The following DNAAF11 variants were observed in gnomAD, a reference collection of about 807,000 sequenced individuals.
The protein encoded by DNAAF11 is leucine rich repeat containing 6.
DNAAF11 carries 45 observed loss-of-function variants against 60.8 expected under a neutral mutation model. The observed-to-expected ratio is 0.74, with a 90% CI of 0.58 to 0.95. DNAAF11 has a LOEUF of 0.95. DNAAF11 is among the 40% of genes least tolerant of loss of function. DNAAF11 has a pLI of 0.00. For missense variants in DNAAF11, 546 were observed against 546.2 expected (o/e 1.00, Z 0.00); for synonymous variants, 191 against 183.5 (o/e 1.04, Z -0.33).
the DNAAF11 span, among the ~76,000 whole-genome samples, chr8:132,680,880 G>C: frequency 2.4e-3 from 366 of 151,446 alleles, 1 homozygote; most frequent in African/African-American, 8.5e-3. Context: ...ACCCTTAGAA[G>C]AGTATTTGAC....
In DNAAF11 at chr8:132,648,488, T is replaced by C. The variant is rs559948179; in HGVS notation, c.256+8342A>G. Among the ~76,000 whole-genome samples the C allele has an allele frequency of 3.7e-3, 560 of 152,244 alleles. 3 individuals are homozygous for C. Among genetic ancestry groups the C allele is most frequent in the African/African-American group, 0.013 (523 of 41,532 alleles). Reference sequence around the variant, plus strand: ...CCTCTCTCACCACTCCTATTCAATATAGTGTTAGAAGTTCTGGCCAGGGCA... The same window carrying C: ...CCTCTCTCACCACTCCTATTCAATACAGTGTTAGAAGTTCTGGCCAGGGCA... On this transcript the variant is annotated intron_variant, in intron 3 of 11. Coordinates refer to ENST00000620350, the MANE Select transcript of DNAAF11 (RefSeq NM_012472.6).
chr8:132,646,631 G>C (rs1822418824), intron 3 of DNAAF11, among the ~76,000 whole-genome samples: 1 of 152,144 alleles, frequency 6.6e-6, no homozygotes, highest in Non-Finnish European at 1.5e-5. Context: ...AAAATAAAGG[G>C]ATGGAGGAAG....
At chr8:132,592,391 A>G (rs1053653309) in intron 10 of DNAAF11, among the ~76,000 whole-genome samples, 1 of 152,232 alleles carries the variant, frequency 6.6e-6, no homozygotes, top group Non-Finnish European at 1.5e-5. Context: ...CCTCTTACAG[A>G]GAAGGAAAAC....
chr8:132,653,103 A>G (rs114776752), intron 3 of DNAAF11, among the ~76,000 whole-genome samples: 330 of 152,348 alleles, frequency 2.2e-3, no homozygotes, highest in African/African-American at 7.6e-3. Flanking sequence ...GCAGGTCAAA[A>G]GGCACAAAAG....
chr8:132,577,027 C>T (rs1359175368), intron 11 of DNAAF11, among the ~76,000 whole-genome samples: 4 of 151,992 alleles, frequency 2.6e-5, no homozygotes, highest in Admixed American at 6.6e-5. Flanking sequence ...AGCAAAATGC[C>T]CAAATCATAA....
At chr8:132,589,794 AG>A (rs1554672376) in intron 10 of DNAAF11, among the ~76,000 whole-genome samples, 2 of 152,216 alleles carry the variant, frequency 1.3e-5, no homozygotes, top group Non-Finnish European at 2.9e-5. Flanking sequence ...CATAGGAGGT[AG>A]GTCTTGGACT....
rs1484626338 is a variant in DNAAF11 at position 132,611,307 on chromosome 8, A to G, written c.1031T>C (p.Met344Thr). 6.2e-7 allele frequency: 1 copy of G among 1,611,744 alleles called. No homozygotes were observed. The highest frequency in any genetic ancestry group is 2.2e-5 in the East Asian group (1 of 44,876). The change falls in exon 9 of 12, where the codon ATG becomes ACG. Residue 344 changes from methionine to threonine, a missense_variant. Physicochemically the swap from Met to Thr is moderately conservative, Grantham distance 81. Transcript: ENST00000620350. ...GGTTCTACTTACCTTTCCTTTGATC[A>G]TTACTCGCACGTAAGTTGGTTGCAC... ...VDVQPTYVRV[M>T]IKGKPFQLVL... is the part of the protein sequence containing the mutation.
Position 132,632,886 on chromosome 8 carries a change from G to T in DNAAF11, c.507C>A (p.Ile169=). The change falls in exon 5 of 12, where the codon ATC becomes ATA. Residue 169 remains isoleucine, a synonymous_variant. Coordinates refer to ENST00000620350, the MANE Select transcript of DNAAF11 (RefSeq NM_012472.6). ...LQDYSVIEPQ[I]REQEKDHCLK... ...GACAGTGATCTTTTTCCTGCTCTCTGATTTGTGGTTCAATTACTGAATAGT... is the reference window on the plus strand; with the variant it reads ...GACAGTGATCTTTTTCCTGCTCTCTTATTTGTGGTTCAATTACTGAATAGT... 2 of 1,613,792 alleles carry T rather than the reference G, an allele frequency of 1.2e-6. No individual in the cohort carries two copies. The highest frequency in any genetic ancestry group is 1.7e-6 in the Non-Finnish European group (2 of 1,179,844).
intron 10 of DNAAF11, among the ~76,000 whole-genome samples, chr8:132,605,647 T>C (rs934399303): frequency 1.3e-5 from 2 of 152,146 alleles, no homozygotes; most frequent in Admixed American, 6.6e-5. Context: ...ATATTTAGAC[T>C]GTACAGCAGG....
intron 11 of DNAAF11, among the ~76,000 whole-genome samples, chr8:132,581,626 T>C (rs1815339105): frequency 6.8e-6 from 1 of 146,830 alleles, no homozygotes; most frequent in South Asian, 2.2e-4. Flanking sequence ...CTCCAGCCTC[T>C]TGCCACTGCA....
In DNAAF11 at chr8:132,632,972, A is replaced by C. The variant is rs748037780; in HGVS notation, c.430-9T>G. The C allele has an allele frequency of 6.3e-7, 1 of 1,587,852 alleles. No individual in the cohort carries two copies. The highest frequency in any genetic ancestry group is 8.6e-7 in the Non-Finnish European group (1 of 1,157,694). ...TCTTTACCATCCAACCACTTAAAGAAAAACAATAAATATAGTACAATTGTT... is the reference window on the plus strand; with the variant it reads ...TCTTTACCATCCAACCACTTAAAGACAAACAATAAATATAGTACAATTGTT... On this transcript the variant is annotated splice_polypyrimidine_tract_variant and intron_variant, in intron 4 of 11. Coordinates refer to ENST00000620350, the MANE Select transcript of DNAAF11 (RefSeq NM_012472.6).
At chr8:132,615,944 T>C (rs866966706) in intron 7 of DNAAF11, among the ~76,000 whole-genome samples, 1 of 152,076 alleles carries the variant, frequency 6.6e-6, no homozygotes, top group East Asian at 1.9e-4. Context: ...CATTTCTGCT[T>C]GTGGCAGGCA....
At chr8:132,694,129 C>A in the DNAAF11 span, among the ~76,000 whole-genome samples, 1 of 152,100 alleles carries the variant, frequency 6.6e-6, no homozygotes, top group East Asian at 1.9e-4. Flanking sequence ...AGTTGGTAAG[C>A]AGGGGTAAGC....
At chr8:132,581,528 T>C (rs1433672730) in intron 11 of DNAAF11, among the ~76,000 whole-genome samples, 2 of 151,876 alleles carry the variant, frequency 1.3e-5, no homozygotes, top group Non-Finnish European at 2.9e-5. Flanking sequence ...CAGGCACCAG[T>C]AGTCCCAGCT....
intron 7 of DNAAF11, among the ~76,000 whole-genome samples, chr8:132,616,678 C>T (rs2130117669): frequency 6.6e-6 from 1 of 152,260 alleles, no homozygotes; most frequent in Non-Finnish European, 1.5e-5. Flanking sequence ...TGTGCAATGA[C>T]TCTCTTATAT....
chr8:132,700,113 G>C, the DNAAF11 span, among the ~76,000 whole-genome samples: 1 of 152,128 alleles, frequency 6.6e-6, no homozygotes, highest in Non-Finnish European at 1.5e-5. Flanking sequence ...TATGCCATAT[G>C]AATTTCACCT....
intron 10 of DNAAF11, among the ~76,000 whole-genome samples, chr8:132,584,789 G>T (rs3779969): frequency 6.6e-6 from 1 of 151,936 alleles, no homozygotes; most frequent in Non-Finnish European, 1.5e-5. Flanking sequence ...ACTTGGTGTG[G>T]TGCACAGCTG....
intron 3 of DNAAF11, among the ~76,000 whole-genome samples, chr8:132,648,516 C>A (rs947340322): frequency 6.6e-6 from 1 of 152,104 alleles, no homozygotes; most frequent in African/African-American, 2.4e-5. Context: ...CCAGGGCAAT[C>A]AGGCAGGAGA....
intron 3 of DNAAF11, among the ~76,000 whole-genome samples, chr8:132,649,609 A>C (rs997707876): frequency 1.3e-5 from 2 of 152,210 alleles, no homozygotes; most frequent in East Asian, 1.9e-4. Flanking sequence ...AATTTTTACA[A>C]TCTACCCATC....
Sources: gnomAD v4.1 joint callset for allele counts (sites outside exome capture counted in the v4.1 genomes callset) on GRCh38, gnomAD v4.1.1 for gene constraint, MANE v1.5 for transcripts, NCBI Gene and HGNC (gene_info 2026-07-23, HGNC 2026-07-21) for gene names.